SCN1A: variants seen among roughly 807,000 people sequenced by gnomAD.
SCN1A encodes the protein sodium channel protein type 1 subunit alpha.
A neutral mutation model predicts 193.7 loss-of-function variants in SCN1A; 13 were observed. That is an observed-to-expected ratio of 0.07 (90% CI 0.04 to 0.11). SCN1A has a LOEUF of 0.11. Ranked by LOEUF, SCN1A falls within the 10% of genes least tolerant of loss-of-function variation. The probability of loss-of-function intolerance (pLI) is 1.00; values close to 1 mark genes in which losing one functional copy is unlikely to be tolerated. For missense variants in SCN1A, 1,432 were observed against 2,451.1 expected (o/e 0.58, Z 8.78); for synonymous variants, 781 against 843.6 (o/e 0.93, Z 1.29).
chr2:166,002,841 A>G (rs1444766426), intron 23 of SCN1A, 88 bp from the exon 24 acceptor site: 8 of 1,109,508 alleles, frequency 7.2e-6, no homozygotes, highest in South Asian at 1.7e-5. Flanking sequence ...TGGTCTTTCC[A>G]TTCTTTTTTT....
At chr2:166,100,394 T>G (rs1206680312) in intron 2 of SCN1A, among the ~76,000 whole-genome samples, 1 of 148,794 alleles carries the variant, frequency 6.7e-6, no homozygotes, top group African/African-American at 2.5e-5. Flanking sequence ...ACGTTAGACC[T>G]AAAACCATAA....
chr2:166,085,592 G>A (rs1475863474), intron 2 of SCN1A, among the ~76,000 whole-genome samples: 1 of 152,182 alleles, frequency 6.6e-6, no homozygotes, highest in African/African-American at 2.4e-5. Context: ...GGCTGAAGCA[G>A]AGAAAAACTG....
chr2:166,094,126 T>C (rs938805143), intron 2 of SCN1A, among the ~76,000 whole-genome samples: 1 of 152,130 alleles, frequency 6.6e-6, no homozygotes, highest in African/African-American at 2.4e-5. Flanking sequence ...ATACCAGAGA[T>C]CTATGTTATG....
chr2:166,072,111 C>G (rs1196092481), intron 4 of SCN1A, among the ~76,000 whole-genome samples: 1 of 152,124 alleles, frequency 6.6e-6, no homozygotes, highest in African/African-American at 2.4e-5. Flanking sequence ...TCACACAGAA[C>G]TGGGCCAGAA....
chr2:166,070,600 T>C (rs1043274294), intron 4 of SCN1A, among the ~76,000 whole-genome samples: 1 of 152,216 alleles, frequency 6.6e-6, no homozygotes, highest in African/African-American at 2.4e-5. Flanking sequence ...CCCTCAGTTT[T>C]AAGATGTTTC....
At chr2:166,014,756 G>A (rs1208587901) in intron 20 of SCN1A, among the ~76,000 whole-genome samples, 1 of 150,752 alleles carries the variant, frequency 6.6e-6, no homozygotes, top group Non-Finnish European at 1.5e-5. Flanking sequence ...AAGGAGTGAA[G>A]GAATGGAGGA....
At chr2:166,102,911 T>G (rs976930846) in intron 2 of SCN1A, among the ~76,000 whole-genome samples, 5 of 152,128 alleles carry the variant, frequency 3.3e-5, no homozygotes, top group African/African-American at 9.7e-5. Flanking sequence ...ACATGGGTGC[T>G]TCAGAGAAAA....
chr2:166,022,112 G>GA (rs1021691307), intron 19 of SCN1A, among the ~76,000 whole-genome samples: 3 of 151,980 alleles, frequency 2.0e-5, no homozygotes, highest in African/African-American at 7.2e-5. Context: ...AAATGTATTG[G>GA]AAAACCATAA....
At position 166,015,679 on chromosome 2, in the gene SCN1A, C is replaced by A. The variant is rs776752552; in HGVS notation, c.3478G>T (p.Gly1160Cys). ...ACGGGCTGTTCTTCTACAGGTGCGCCGATGTCCACAGTGCTACCTTCTGAT... is the reference window on the plus strand; with the variant it reads ...ACGGGCTGTTCTTCTACAGGTGCGCAGATGTCCACAGTGCTACCTTCTGAT... ...SSSEGSTVDI[G>C]APVEEQPVVE... Residue 1160 changes from glycine (G) to cysteine (C), a missense_variant, in exon 20 of 29, where the codon GGC becomes TGC. Coordinates refer to ENST00000674923, the MANE Select transcript of SCN1A (RefSeq NM_001165963.4). 2 of 1,612,840 alleles carry A rather than the reference C, an allele frequency of 1.2e-6. 1 individual carries two copies. Among genetic ancestry groups the A allele is most frequent in the South Asian group, 2.2e-5 (2 of 91,070 alleles).
At chr2:166,042,200 C>A in intron 15 of SCN1A, 92 bp downstream of exon 15, 1 of 1,246,724 alleles carries the variant, frequency 8.0e-7, no homozygotes, top group South Asian at 1.3e-5. Flanking sequence ...CATTAGAATG[C>A]ACTATTCCCA....
chr2:166,016,928 A>G (rs991693178), intron 19 of SCN1A, among the ~76,000 whole-genome samples: 1 of 151,480 alleles, frequency 6.6e-6, no homozygotes, highest in African/African-American at 2.4e-5. Flanking sequence ...CATACATAGG[A>G]GAGTGTTGAT....
intron 2 of SCN1A, chr2:166,126,417 C>T (rs1383849292): frequency 6.6e-6 from 1 of 152,156 alleles, no homozygotes; most frequent in East Asian, 1.9e-4. Context: ...AGATGCCCCG[C>T]GAACGTGCAG....
chr2:166,041,211 T>G lies in SCN1A; in HGVS notation c.2415+20A>C, dbSNP rs774249177. On this transcript the variant is annotated intron_variant, in intron 16 of 28. Transcript: ENST00000674923. ...CAGAAAATTTGAAGACTAAACACATTTACCTTCCAATATGCTTACCAAGTT... is the reference window on the plus strand; with the variant it reads ...CAGAAAATTTGAAGACTAAACACATGTACCTTCCAATATGCTTACCAAGTT... 2 of 1,533,574 alleles carry G rather than the reference T, an allele frequency of 1.3e-6. No homozygotes were observed. Among genetic ancestry groups the G allele is most frequent in the Non-Finnish European group, 1.8e-6 (2 of 1,107,294 alleles). The allele number at this position is 1,533,574 out of a possible 1,614,324, so 95.0% of individuals were successfully genotyped here.
chr2:166,081,881 C>G (rs892707680), intron 2 of SCN1A, among the ~76,000 whole-genome samples: 2 of 151,868 alleles, frequency 1.3e-5, no homozygotes, highest in East Asian at 3.9e-4. Context: ...TTATCTGACC[C>G]TAGAAGTGAT....
chr2:166,140,230 A>G (rs1383141138), intron 1 of SCN1A, among the ~76,000 whole-genome samples: 2 of 152,156 alleles, frequency 1.3e-5, no homozygotes, highest in Non-Finnish European at 2.9e-5. Flanking sequence ...ACTCTCCACA[A>G]TATCACATTA....
rs1688737657 is a variant in SCN1A at position 165,988,369 on chromosome 2, G to T, written c.*2876C>A. On this transcript the variant is annotated 3_prime_UTR_variant, in exon 29 of 29. Transcript: ENST00000674923. ...GCATGCTGAAATGAGGCATATAGAAGAATTTCATGAAGGGGACATTTACAA... is the reference window on the plus strand; with the variant it reads ...GCATGCTGAAATGAGGCATATAGAATAATTTCATGAAGGGGACATTTACAA... 1 of 152,102 alleles carries T rather than the reference G, an allele frequency of 6.6e-6. No individual in the cohort carries two copies. The highest frequency in any genetic ancestry group is 1.5e-5 in the Non-Finnish European group (1 of 68,028). 9.4% of individuals were successfully genotyped at this position (152,102 alleles called of 1,614,324 possible).
chr2:165,995,316 C>T (rs1054751979), intron 27 of SCN1A, among the ~76,000 whole-genome samples: 4 of 151,704 alleles, frequency 2.6e-5, no homozygotes, highest in Non-Finnish European at 4.4e-5. Context: ...CCTTGATGCA[C>T]CCTAGGAATT....
In SCN1A at chr2:166,126,975, G is replaced by A. The variant is rs144597790; in HGVS notation, c.-193C>T. The A allele has an allele frequency of 2.6e-5, 4 of 152,366 alleles. No individual in the cohort carries two copies. Among genetic ancestry groups the A allele is most frequent in the African/African-American group, 9.6e-5 (4 of 41,558 alleles). 9.4% of individuals were successfully genotyped at this position (152,366 alleles called of 1,614,324 possible). ...CATGATAGCAAAGACATTTGGACAA[G>A]CCTCACCTCCACTCAGAAATAATTC... On this transcript the variant is annotated 5_prime_UTR_variant, in exon 2 of 29. Coordinates refer to ENST00000674923, the MANE Select transcript of SCN1A (RefSeq NM_001165963.4).
At chr2:166,066,040 GTC>G (rs1219942745) in intron 4 of SCN1A, among the ~76,000 whole-genome samples, 1 of 152,136 alleles carries the variant, frequency 6.6e-6, no homozygotes, top group Non-Finnish European at 1.5e-5. Context: ...CTAGAGAAGA[GTC>G]TGTAAAATTG....
Sources: gnomAD v4.1 joint callset for allele counts (sites outside exome capture counted in the v4.1 genomes callset) on GRCh38, gnomAD v4.1.1 for gene constraint, MANE v1.5 for transcripts, NCBI Gene and HGNC (gene_info 2026-07-23, HGNC 2026-07-21) for gene names.